TENM3: variants seen among roughly 807,000 people sequenced by gnomAD.
The protein encoded by TENM3 is teneurin-3.
In TENM3, 63 loss-of-function variants were observed where a neutral mutation model predicts 255.1. That is an observed-to-expected ratio of 0.25 (90% CI 0.20 to 0.30). TENM3 has a LOEUF of 0.30. TENM3 is among the 10% of genes least tolerant of loss of function. The probability of loss-of-function intolerance (pLI) is 1.00; values close to 1 mark genes in which losing one functional copy is unlikely to be tolerated. For missense variants in TENM3, 2,929 were observed against 3,461.1 expected (o/e 0.85, Z 3.86); for synonymous variants, 1,306 against 1,322.3 (o/e 0.99, Z 0.27).
At chr4:182,045,322 G>T in the TENM3 span, among the ~76,000 whole-genome samples, 57 of 150,946 alleles carry the variant, frequency 3.8e-4, no homozygotes, top group Admixed American at 2.7e-4. Flanking sequence ...TGCTTTGATT[G>T]TGAATGTTTG....
chr4:181,749,221 CT>C, the TENM3 span, among the ~76,000 whole-genome samples: 17 of 151,152 alleles, frequency 1.1e-4, 1 homozygote, highest in Admixed American at 7.3e-4. Context: ...TCCTTTTTGG[CT>C]TTTTTTTTCT....
At position 182,789,155 on chromosome 4, in the gene TENM3, T is replaced by G; in HGVS notation, c.5367T>G (p.Tyr1789Ter). ...GAACAACAAAGACAGAAAAGATCTATGACGACCACCGTAAATTTCTACTGA... is the reference window on the plus strand; with the variant it reads ...GAACAACAAAGACAGAAAAGATCTAGGACGACCACCGTAAATTTCTACTGA... Reference protein sequence around the residue: ...FDRTTKTEKIYDDHRKFLLRI... With the variant: ...FDRTTKTEKI Residue 1789 changes from tyrosine (Y) to a stop codon, truncating the protein, a stop_gained, in exon 25 of 28, where the codon TAT becomes TAG. Coordinates refer to ENST00000511685, the MANE Select transcript of TENM3 (RefSeq NM_001080477.4). LOFTEE classifies it high-confidence loss of function. The surrounding 1 kb of genome is among the most constrained non-coding windows in gnomAD (Gnocchi z 4.4). The G allele has an allele frequency of 6.2e-7, 1 of 1,612,802 alleles. No homozygotes were observed. The highest frequency in any genetic ancestry group is 8.5e-7 in the Non-Finnish European group (1 of 1,179,412).
the TENM3 span, among the ~76,000 whole-genome samples, chr4:181,646,874 A>G: frequency 6.6e-6 from 1 of 152,216 alleles, no homozygotes; most frequent in Admixed American, 6.5e-5. Flanking sequence ...CATTGAGAAG[A>G]CTTAGGATAC....
chr4:182,337,108 G>A (rs974958498), intron 2 of TENM3, among the ~76,000 whole-genome samples: 4 of 152,036 alleles, frequency 2.6e-5, no homozygotes, highest in African/African-American at 9.7e-5. Context: ...AAAAAGCTAC[G>A]TATGTTCTTA....
chr4:181,848,291 C>T, the TENM3 span, among the ~76,000 whole-genome samples: 3,089 of 152,240 alleles, frequency 0.02, 93 homozygotes, highest in African/African-American at 0.07. Flanking sequence ...CATCTAGTGA[C>T]TCTTATTTTA....
In TENM3 at chr4:182,161,194, A is replaced by G. The variant is rs1251420774; in HGVS notation, c.-76+16440A>G. ...CACTTTGGGAGGCCGAGGCGGGCGG[A>G]TCACGAGGTCAGGAGATCGAGACCA... On this transcript the variant is annotated intron_variant, in intron 1 of 2. Transcript: ENST00000512480. Among the ~76,000 whole-genome samples the G allele has an allele frequency of 2.9e-4, 41 of 141,854 alleles. 1 individual carries two copies. Among genetic ancestry groups the G allele is most frequent in the African/African-American group, 1.0e-3 (39 of 38,294 alleles). 93.1% of individuals were successfully genotyped at this position (141,854 alleles called of 152,430 possible).
intron 7 of TENM3, among the ~76,000 whole-genome samples, chr4:182,674,714 T>C (rs1198704696): frequency 6.6e-6 from 1 of 152,084 alleles, no homozygotes; most frequent in East Asian, 1.9e-4. Context: ...TAGCTGGGAC[T>C]ACAGATGCGT....
chr4:182,440,114 CTTTTTTT>C (rs5864784), intron 3 of TENM3, among the ~76,000 whole-genome samples: 1 of 126,768 alleles, frequency 7.9e-6, no homozygotes, highest in Non-Finnish European at 1.6e-5. Context: ...TGGTGGGCAC[CTTTTTTT>C]TTTTTTTTTT....
chr4:182,784,725 C>CTATA (rs1765483535), intron 24 of TENM3, among the ~76,000 whole-genome samples: 1 of 151,704 alleles, frequency 6.6e-6, no homozygotes, highest in Non-Finnish European at 1.5e-5. Flanking sequence ...GCGTAGGACC[C>CTATA]TCCCAGCCAG....
intron 1 of TENM3, among the ~76,000 whole-genome samples, chr4:182,182,076 A>G (rs1159119187): frequency 6.6e-6 from 1 of 152,122 alleles, no homozygotes; most frequent in East Asian, 1.9e-4. Flanking sequence ...CTATTGGGGA[A>G]TTGTTGCTGA....
At chr4:182,738,620 C>T (rs985124720) in intron 18 of TENM3, 76 bp downstream of exon 18, 2 of 1,263,026 alleles carry the variant, frequency 1.6e-6, no homozygotes, top group Non-Finnish European at 1.1e-6. Context: ...CTTTCCAACT[C>T]ATGAGATTGT....
At chr4:181,459,756 C>G in the TENM3 span, among the ~76,000 whole-genome samples, 3 of 151,970 alleles carry the variant, frequency 2.0e-5, no homozygotes, top group Non-Finnish European at 2.9e-5. Flanking sequence ...ACCACAGATA[C>G]TCCCACTTTG....
At chr4:182,216,173 A>G (rs1377833958) in intron 1 of TENM3, among the ~76,000 whole-genome samples, 1 of 152,230 alleles carries the variant, frequency 6.6e-6, no homozygotes, top group Non-Finnish European at 1.5e-5. Context: ...TTGCCAGCAC[A>G]CAGGCCTCAG....
chr4:181,780,663 G>A, the TENM3 span, among the ~76,000 whole-genome samples: 10 of 152,102 alleles, frequency 6.6e-5, no homozygotes, highest in Non-Finnish European at 1.2e-4. Context: ...TGTCAATTTT[G>A]GCTTTTGTTG....
intron 3 of TENM3, among the ~76,000 whole-genome samples, chr4:182,392,816 G>C (rs1000085836): frequency 1.3e-5 from 2 of 152,212 alleles, no homozygotes; most frequent in African/African-American, 4.8e-5. Context: ...GGTGAGTGAG[G>C]AAGCACTGAG....
chr4:181,714,931 G>A, the TENM3 span, among the ~76,000 whole-genome samples: 1 of 152,146 alleles, frequency 6.6e-6, no homozygotes, highest in Admixed American at 6.5e-5. Flanking sequence ...TTCTATTGAA[G>A]TTCTCAGAAG....
the TENM3 span, among the ~76,000 whole-genome samples, chr4:181,616,222 G>A: frequency 7.2e-6 from 1 of 138,650 alleles, no homozygotes; most frequent in Non-Finnish European, 1.5e-5. Context: ...TATTCCATAT[G>A]CTAATATTTC....
the TENM3 span, among the ~76,000 whole-genome samples, chr4:181,590,779 C>A: frequency 1.3e-5 from 2 of 152,108 alleles, no homozygotes; most frequent in East Asian, 1.9e-4. Context: ...TCTTTGATTT[C>A]TTTCTTATAT....
chr4:182,752,922 T>C (rs1447157366), intron 20 of TENM3, among the ~76,000 whole-genome samples: 2 of 151,990 alleles, frequency 1.3e-5, no homozygotes, highest in Non-Finnish European at 2.9e-5. Flanking sequence ...TCTGACAAAA[T>C]TGGATTATTT....
Sources: allele counts gnomAD v4.1 joint callset (sites outside exome capture counted in the v4.1 genomes callset), GRCh38; gene constraint gnomAD v4.1.1; non-coding constraint Gnocchi (gnomAD v3.1); transcripts MANE v1.5; gene names NCBI Gene and HGNC (gene_info 2026-07-23, HGNC 2026-07-21).